FMNL2: variants seen among roughly 807,000 people sequenced by gnomAD.
FMNL2 encodes the protein formin like 2.
Under a neutral mutation model 130.2 loss-of-function variants are expected in FMNL2, and 51 were observed. That is an observed-to-expected ratio of 0.39 (90% CI 0.31 to 0.49). The LOEUF (loss-of-function observed/expected upper bound fraction) is 0.49. Ranked by LOEUF, FMNL2 falls within the 20% of genes least tolerant of loss-of-function variation. The pLI, the probability that FMNL2 is intolerant of heterozygous loss-of-function variation, is 0.85. For missense variants in FMNL2, 977 were observed against 1,316.2 expected (o/e 0.74, Z 3.99); for synonymous variants, 465 against 467.1 (o/e 1.00, Z 0.06).
intron 17 of FMNL2, 63 bp downstream of exon 17, chr2:152,626,790 A>G: frequency 1.4e-6 from 2 of 1,466,564 alleles, no homozygotes. Flanking sequence ...AAAGTTATGA[A>G]TTAGTAGATG....
Position 152,632,103 on chromosome 2 carries a change from T to C in FMNL2, c.2646T>C (p.Tyr882=). 1.2e-6 allele frequency: 2 copies of C among 1,613,112 alleles called. No homozygotes were observed. Among genetic ancestry groups the C allele is most frequent in the Admixed American group, 1.7e-5 (1 of 59,908 alleles). The change falls in exon 21 of 26, where the codon TAT becomes TAC. Residue 882 remains tyrosine, a synonymous_variant. Transcript: ENST00000288670. ...AATATCACCAAGTGTCCCTGTTTTA[T>C]AATGAGCTTCATTATGTGGAAAAAG... ...KEKYHQVSLF[Y]NELHYVEKAA...
At chr2:152,609,325 C>A (rs1253743746) in intron 10 of FMNL2, among the ~76,000 whole-genome samples, 3 of 152,172 alleles carry the variant, frequency 2.0e-5, no homozygotes, top group Admixed American at 2.0e-4. Flanking sequence ...GACCTGTTTT[C>A]CGAAGAGAAA....
chr2:152,571,367 T>C (rs74696630), intron 6 of FMNL2, among the ~76,000 whole-genome samples: 5,720 of 152,268 alleles, frequency 0.038, 221 homozygotes, highest in East Asian at 0.19. Flanking sequence ...ATAAAGCTCA[T>C]GTGTGCCAAT....
intron 1 of FMNL2, among the ~76,000 whole-genome samples, chr2:152,518,472 T>G (rs1479036836): frequency 6.6e-6 from 1 of 152,216 alleles, no homozygotes; most frequent in Non-Finnish European, 1.5e-5. Context: ...TCTTTTGACC[T>G]CCAGAATCAT....
At chr2:152,370,689 G>A (rs76381704) in intron 1 of FMNL2, among the ~76,000 whole-genome samples, 7,043 of 152,140 alleles carry the variant, frequency 0.046, 270 homozygotes, top group African/African-American at 0.097. Context: ...CCTTTGTGAA[G>A]GACAAAGTAA....
At chr2:152,374,175 C>G (rs1053656913) in intron 1 of FMNL2, among the ~76,000 whole-genome samples, 1 of 152,098 alleles carries the variant, frequency 6.6e-6, no homozygotes, top group Non-Finnish European at 1.5e-5. Flanking sequence ...GACTTAATAA[C>G]AGGTGTAGCG....
chr2:152,357,614 G>A (rs1468960036), intron 1 of FMNL2, among the ~76,000 whole-genome samples: 2 of 141,260 alleles, frequency 1.4e-5, no homozygotes, highest in Non-Finnish European at 3.1e-5. Flanking sequence ...TCAGTTTAAT[G>A]TATAACGATA....
chr2:152,365,645 C>T (rs373367785), intron 1 of FMNL2, among the ~76,000 whole-genome samples: 1 of 151,944 alleles, frequency 6.6e-6, no homozygotes, highest in Non-Finnish European at 1.5e-5. Context: ...TGGTGGTGGA[C>T]GCCTATAATC....
At chr2:152,349,245 A>G (rs1346265797) in intron 1 of FMNL2, among the ~76,000 whole-genome samples, 3 of 152,178 alleles carry the variant, frequency 2.0e-5, no homozygotes, top group Non-Finnish European at 4.4e-5. Context: ...TTCATACTAA[A>G]ACTCCGGGGT....
intron 1 of FMNL2, among the ~76,000 whole-genome samples, chr2:152,479,042 C>T (rs981690518): frequency 5.3e-5 from 8 of 152,100 alleles, no homozygotes; most frequent in African/African-American, 1.7e-4. Flanking sequence ...TATTTAGTTA[C>T]ACATATAAAA....
rs1349050204 is a variant in FMNL2, at chr2:152,647,647, C to CT, written c.3170-146dup. 7 of 718,290 alleles carry CT rather than the reference C, an allele frequency of 9.7e-6. No homozygotes were observed. In the African/African-American group the frequency reaches 1.2e-4, roughly 13 times the overall value. The allele number at this position is 718,290 out of a possible 1,614,324, so 44.5% of individuals were successfully genotyped here. Reference sequence around the variant, plus strand: ...AATATTGAAGGCAAATGTTTTATGTCTTTGATTCAATGCTCAGTGAGTTTG... The same window carrying CT: ...AATATTGAAGGCAAATGTTTTATGTCTTTTGATTCAATGCTCAGTGAGTTTG... On this transcript the variant is annotated intron_variant, in intron 25 of 25. Coordinates refer to ENST00000288670, the MANE Select transcript of FMNL2 (RefSeq NM_052905.4).
chr2:152,540,000 G>A (rs966934162), intron 2 of FMNL2, among the ~76,000 whole-genome samples: 4 of 152,152 alleles, frequency 2.6e-5, no homozygotes, highest in Admixed American at 2.6e-4. Context: ...GGAATTAGGA[G>A]GATTGCTTGA....
intron 2 of FMNL2, among the ~76,000 whole-genome samples, chr2:152,535,595 C>CT (rs1693955321): frequency 6.6e-6 from 1 of 152,098 alleles, no homozygotes; most frequent in Admixed American, 6.6e-5. Context: ...AGTAAAAAGC[C>CT]TTTTTTAAAG....
chr2:152,375,877 C>CTCTCTCTCTCTCTATA lies in FMNL2; in HGVS notation c.117+40158_117+40159insCTCTCTCTCTCTATAT, dbSNP rs796954245. The stretch of plus-strand genomic sequence containing the variant: ...TCTCTCTCTCTCTCTCTCTCTCTCT[C>CTCTCTCTCTCTCTATA]TATATATATATATATATATAATTAT... On this transcript the variant is annotated intron_variant, in intron 1 of 25. Coordinates refer to ENST00000288670, the MANE Select transcript of FMNL2 (RefSeq NM_052905.4). Among the ~76,000 whole-genome samples, 41 of 112,478 alleles carry CTCTCTCTCTCTCTATA rather than the reference C, an allele frequency of 3.6e-4. No individual in the cohort carries two copies. The East Asian group carries it at 9.3e-3, about 25-fold the overall frequency. 73.8% of individuals were successfully genotyped at this position (112,478 alleles called of 152,430 possible). A position where few individuals can be genotyped will look rare whatever the true frequency, so the allele number is the denominator to read the frequency against.
chr2:152,435,585 G>GAA (rs201076324), intron 1 of FMNL2, among the ~76,000 whole-genome samples: 1 of 134,616 alleles, frequency 7.4e-6, no homozygotes. Flanking sequence ...ATAAATGGCT[G>GAA]AAAAAAAAAA....
At chr2:152,353,994 A>G (rs1025111297) in intron 1 of FMNL2, among the ~76,000 whole-genome samples, 1 of 151,824 alleles carries the variant, frequency 6.6e-6, no homozygotes, top group Non-Finnish European at 1.5e-5. Flanking sequence ...GTGATACATC[A>G]GTGTTTTCAA....
intron 1 of FMNL2, among the ~76,000 whole-genome samples, chr2:152,340,168 A>C (rs1371362556): frequency 6.6e-6 from 1 of 152,214 alleles, no homozygotes; most frequent in African/African-American, 2.4e-5. Context: ...CCTGGGTGAC[A>C]AAGTAAGACC....
Position 152,377,685 on chromosome 2 carries a change from G to A in FMNL2, c.117+41965G>A, listed in dbSNP as rs76303703. Among the ~76,000 whole-genome samples, 459 of 152,290 alleles carry A rather than the reference G, an allele frequency of 3.0e-3. 4 individuals are homozygous for A. The highest frequency in any genetic ancestry group is 0.01 in the African/African-American group (431 of 41,578). On this transcript the variant is annotated intron_variant, in intron 1 of 25. Transcript: ENST00000288670. ...TGGAATAAGACTCTAAAAAGTGGGA[G>A]TTTCAGTAGAAGCTTATTCTTGCAT...
At chr2:152,564,404 G>T (rs1276941001) in intron 6 of FMNL2, among the ~76,000 whole-genome samples, 2 of 152,032 alleles carry the variant, frequency 1.3e-5, no homozygotes, top group Admixed American at 1.3e-4. Flanking sequence ...TTGTAAATGG[G>T]CATGATTAAA....
Sources: allele counts gnomAD v4.1 joint callset (sites outside exome capture counted in the v4.1 genomes callset), GRCh38; gene constraint gnomAD v4.1.1; transcripts MANE v1.5; gene names NCBI Gene and HGNC (gene_info 2026-07-23, HGNC 2026-07-21).